KRT86: variants seen among roughly 807,000 people sequenced by gnomAD.
The protein encoded by KRT86 is keratin, type II cuticular Hb6.
A neutral mutation model predicts 41.2 loss-of-function variants in KRT86; 30 were observed. That is an observed-to-expected ratio of 0.73 (90% confidence interval 0.54 to 0.99). The LOEUF is 0.99. KRT86 is among the 50% of genes least tolerant of loss of function. KRT86 has a pLI of 0.00. For missense variants in KRT86, 561 were observed against 571.4 expected, an observed-to-expected ratio of 0.98 and a Z score of 0.19; for synonymous variants, 238 against 238.1, an observed-to-expected ratio of 1.00 and a Z score of 0.00.
At chr12:52,307,690 G>A (rs375110836) in intron 9 of KRT86, among the ~76,000 whole-genome samples, 3 of 152,184 alleles carry the variant, frequency 2.0e-5, no homozygotes, top group African/African-American at 7.2e-5. Context: ...AATCCCATTT[G>A]TTTATCTAAC....
At chr12:52,283,605 A>G (rs987502932) in intron 2 of KRT86, among the ~76,000 whole-genome samples, 3 of 150,362 alleles carry the variant, frequency 2.0e-5, no homozygotes, top group East Asian at 4.0e-4. Flanking sequence ...CAGCCTCCCA[A>G]GTAGCTGGAA....
chr12:52,287,779 C>A, intron 2 of KRT86: 1 of 1,613,950 alleles, frequency 6.2e-7, no homozygotes, highest in Non-Finnish European at 8.5e-7. Flanking sequence ...CCATTCAGGA[C>A]ACCACAGATG....
chr12:52,288,220 C>T (rs546836165), intron 2 of KRT86: 1 of 1,593,560 alleles, frequency 6.3e-7, no homozygotes, highest in Non-Finnish European at 8.6e-7. Context: ...TCCACCTCCT[C>T]AGGCTTTCTC....
At chr12:52,291,500 A>G (rs765185794) in intron 2 of KRT86, 3 of 1,610,448 alleles carry the variant, frequency 1.9e-6, no homozygotes, top group Non-Finnish European at 1.7e-6. Flanking sequence ...AGAGGACAGG[A>G]TAGGGGACCT....
In KRT86 at chr12:52,288,519, T is replaced by A. The variant is rs1393548371; in HGVS notation, c.-5+12573T>A. The A allele has an allele frequency of 2.5e-6, 4 of 1,583,370 alleles. No homozygotes were observed. The African/African-American group carries it at 5.4e-5, about 21-fold the overall frequency. ...GTGATCCAGCCCCCAGACTCCTCTC[T>A]CTGCCCATCCATTCCATGTAGCCAG... On this transcript the variant is annotated intron_variant, in intron 2 of 10. Coordinates refer to ENST00000423955, the MANE Select transcript of KRT86 (RefSeq NM_001320198.2).
chr12:52,280,918 C>A (rs534319802), intron 2 of KRT86, among the ~76,000 whole-genome samples: 55 of 152,314 alleles, frequency 3.6e-4, no homozygotes, highest in African/African-American at 1.3e-3. Flanking sequence ...GTACATTCTG[C>A]AACCTGCGTC....
chr12:52,292,904 A>AG (rs1421695337), intron 2 of KRT86, among the ~76,000 whole-genome samples: 3 of 152,250 alleles, frequency 2.0e-5, no homozygotes, highest in African/African-American at 4.8e-5. Flanking sequence ...TGGGAGTCTG[A>AG]GGGGGGTGGA....
Position 52,306,258 on chromosome 12 carries a change from C to T in KRT86, c.1225C>T (p.Leu409=). 3 of 1,613,576 alleles carry T rather than the reference C, an allele frequency of 1.9e-6. No individual in the cohort carries two copies. Among genetic ancestry groups the T allele is most frequent in the Non-Finnish European group, 2.5e-6 (3 of 1,180,028 alleles). Residue 409 remains leucine (L), a synonymous_variant, in exon 9 of 11, where the codon CTG becomes TTG. Coordinates refer to ENST00000423955, the MANE Select transcript of KRT86 (RefSeq NM_001320198.2). ...LDIEIATYRR[L]LEGEEQRLCE... ...CATCGAGATCGCCACCTACAGGCGC[C>T]TGCTGGAGGGCGAGGAGCAGAGGTG...
At position 52,306,256 on chromosome 12, in the gene KRT86, G is replaced by T; in HGVS notation, c.1223G>T (p.Arg408Leu). 6.2e-7 allele frequency: 1 copy of T among 1,613,528 alleles called. No individual in the cohort carries two copies. The highest frequency in any genetic ancestry group is 8.5e-7 in the Non-Finnish European group (1 of 1,180,024). Residue 408 changes from arginine to leucine, a missense_variant, in exon 9 of 11, where the codon CGC becomes CTC. Coordinates refer to ENST00000423955, the MANE Select transcript of KRT86 (RefSeq NM_001320198.2). ...GLDIEIATYR[R>L]LLEGEEQRLC... ...GACATCGAGATCGCCACCTACAGGC[G>T]CCTGCTGGAGGGCGAGGAGCAGAGG...
intron 2 of KRT86, chr12:52,291,532 A>G (rs994093592): frequency 1.3e-5 from 20 of 1,596,786 alleles, no homozygotes; most frequent in Admixed American, 1.7e-5. Flanking sequence ...GGAAACTCCA[A>G]TGTGCTCCTC....
chr12:52,291,651 C>T (rs1468707814), intron 2 of KRT86: 22 of 781,594 alleles, frequency 2.8e-5, no homozygotes, highest in Non-Finnish European at 4.4e-5. Context: ...GGGTCTAACG[C>T]CTCTCCAGAA....
At chr12:52,287,025 T>G in intron 2 of KRT86, 1 of 1,609,822 alleles carries the variant, frequency 6.2e-7, no homozygotes, top group Non-Finnish European at 8.5e-7. Context: ...CCCTGGCCAT[T>G]GCTCAGCCAA....
chr12:52,305,304 G>A lies in KRT86; in HGVS notation c.800G>A (p.Arg267Gln), dbSNP rs371922719. The A allele has an allele frequency of 3.7e-5, 60 of 1,614,102 alleles. No homozygotes were observed. The highest frequency in any genetic ancestry group is 5.0e-5 in the Admixed American group (3 of 60,006). ...GTGGTTGTCAAGCTGGACAACAGCC[G>A]GGACCTGAACATGGACTGCATCATT... ...TSVVVKLDNS[R>Q]DLNMDCIIAE... Residue 267 changes from arginine (R) to glutamine (Q), a missense_variant, in exon 7 of 11, where the codon CGG becomes CAG. Transcript: ENST00000423955.
chr12:52,307,632 T>G (rs1316274875), intron 9 of KRT86, among the ~76,000 whole-genome samples: 1 of 152,220 alleles, frequency 6.6e-6, no homozygotes, highest in Non-Finnish European at 1.5e-5. Context: ...AGCCTTTCCA[T>G]CTGCCGGATG....
intron 2 of KRT86, among the ~76,000 whole-genome samples, chr12:52,301,261 G>A (rs1222059946): frequency 1.9e-4 from 29 of 151,530 alleles, no homozygotes; most frequent in African/African-American, 6.3e-4. Context: ...GAGAGAGAGA[G>A]AGAAAAAAAC....
chr12:52,308,520 A>T lies in KRT86; in HGVS notation c.1396A>T (p.Thr466Ser), dbSNP rs1486346198. 1.9e-6 allele frequency: 3 copies of T among 1,605,106 alleles called. No individual in the cohort carries two copies. Among genetic ancestry groups the T allele is most frequent in the Admixed American group, 1.7e-5 (1 of 60,030 alleles). ...VPSNSNVVVG[T>S]TNACAPSARV... ...CAGCAACAGCAACGTGGTGGTGGGC[A>T]CTACTAACGCCTGCGCCCCCTCCGC... Residue 466 changes from threonine to serine, a missense_variant, in exon 11 of 11, where the codon ACT (threonine) becomes TCT (serine). Thr to Ser is a moderately conservative substitution (Grantham distance 58, BLOSUM62 1). Transcript: ENST00000423955.
intron 2 of KRT86, chr12:52,286,884 C>T (rs1215862917): frequency 6.3e-7 from 1 of 1,595,240 alleles, no homozygotes; most frequent in African/African-American, 1.3e-5. Flanking sequence ...AAAAAGCTCC[C>T]CAGTTCATAG....
rs751075241 is a variant in KRT86 at position 52,304,990 on chromosome 12, T to A, written c.698T>A (p.Ile233Asn). 6 of 1,614,086 alleles carry A rather than the reference T, an allele frequency of 3.7e-6. No individual in the cohort carries two copies. The highest frequency in any genetic ancestry group is 4.2e-6 in the Non-Finnish European group (5 of 1,180,000). ...CTGGAGGCCAATGTGGAGGCCCTGA[T>A]CCAGGAGATCGACTTCCTGAGGCGG... ...SDLEANVEALIQEIDFLRRLY... is the reference protein window; with the variant it reads ...SDLEANVEALNQEIDFLRRLY... The change falls in exon 6 of 11, where the codon ATC (isoleucine) becomes AAC (asparagine). Residue 233 changes from isoleucine to asparagine, a missense_variant. Coordinates refer to ENST00000423955, the MANE Select transcript of KRT86 (RefSeq NM_001320198.2).
In KRT86 at chr12:52,308,427, G is replaced by A; in HGVS notation, c.1303G>A (p.Val435Ile). Reference protein sequence around the residue: ...NVCVSSSRGGVVCGDLCASTT... With the variant: ...NVCVSSSRGGIVCGDLCASTT... ...AGGCGTCAGCAGCTCCCGCGGTGGC[G>A]TTGTCTGTGGCGATCTCTGCGCCTC... Residue 435 changes from valine to isoleucine, a missense_variant, in exon 11 of 11, where the codon GTT becomes ATT. Coordinates refer to ENST00000423955, the MANE Select transcript of KRT86 (RefSeq NM_001320198.2). 1.2e-6 allele frequency: 2 copies of A among 1,611,764 alleles called. No individual in the cohort carries two copies. Among genetic ancestry groups the A allele is most frequent in the Admixed American group, 1.7e-5 (1 of 59,894 alleles).
Sources: allele counts gnomAD v4.1 joint callset (sites outside exome capture counted in the v4.1 genomes callset), GRCh38; gene constraint gnomAD v4.1.1; transcripts MANE v1.5; gene names NCBI Gene and HGNC (gene_info 2026-07-23, HGNC 2026-07-21).